The following SLC9A9 variants were observed in gnomAD, a reference collection of about 807,000 sequenced individuals.
SLC9A9 encodes sodium/hydrogen exchanger 9.
In SLC9A9, 62 loss-of-function variants were observed where a neutral mutation model predicts 77.8. That is an observed-to-expected ratio of 0.80 (90% confidence interval 0.65 to 0.98). The LOEUF is 0.98. Ranked by LOEUF, SLC9A9 falls within the 50% of genes least tolerant of loss-of-function variation. The pLI, the probability that SLC9A9 is intolerant of heterozygous loss-of-function variation, is 0.00. For missense variants in SLC9A9, 775 were observed against 774.9 expected, an observed-to-expected ratio of 1.00 and a Z score of 0.00; for synonymous variants, 320 against 283.5, an observed-to-expected ratio of 1.13 and a Z score of -1.29.
intron 14 of SLC9A9, among the ~76,000 whole-genome samples, chr3:143,324,141 C>A (rs930778436): frequency 3.3e-5 from 5 of 152,096 alleles, no homozygotes; most frequent in African/African-American, 1.2e-4. Context: ...CCTAAAGTAC[C>A]TGCTCTATTG....
chr3:143,383,263 A>G (rs930371659), intron 12 of SLC9A9, among the ~76,000 whole-genome samples: 13 of 152,208 alleles, frequency 8.5e-5, no homozygotes, highest in African/African-American at 2.7e-4. Flanking sequence ...ACACGTTTAT[A>G]TTTAATTCAG....
chr3:143,595,368 C>A (rs1443915145), intron 6 of SLC9A9, among the ~76,000 whole-genome samples: 6 of 152,238 alleles, frequency 3.9e-5, no homozygotes, highest in Non-Finnish European at 8.8e-5. Flanking sequence ...CAATCCTTAT[C>A]AAGCATCTGC....
At chr3:143,826,902 G>A (rs1345075825) in intron 2 of SLC9A9, among the ~76,000 whole-genome samples, 2 of 151,956 alleles carry the variant, frequency 1.3e-5, no homozygotes, top group Non-Finnish European at 1.5e-5. Context: ...TGTGGTTCTT[G>A]TCCCACTTTT....
chr3:143,269,848 G>A (rs1346406138), intron 14 of SLC9A9, among the ~76,000 whole-genome samples: 2 of 152,190 alleles, frequency 1.3e-5, no homozygotes, highest in African/African-American at 4.8e-5. Flanking sequence ...ATCATTGGTT[G>A]GATCATGAAG....
chr3:143,382,825 TG>T (rs2033337885), intron 12 of SLC9A9, among the ~76,000 whole-genome samples: 1 of 152,260 alleles, frequency 6.6e-6, no homozygotes. Context: ...TTTTGCCTAC[TG>T]ACTTTGCTAC....
chr3:143,331,473 G>T (rs368046629), intron 14 of SLC9A9, among the ~76,000 whole-genome samples: 131 of 152,284 alleles, frequency 8.6e-4, no homozygotes, highest in African/African-American at 3.0e-3. Context: ...AACAAAACAG[G>T]CCTAAAGACT....
chr3:143,365,618 C>T (rs954927513), intron 13 of SLC9A9, among the ~76,000 whole-genome samples: 4 of 152,086 alleles, frequency 2.6e-5, no homozygotes, highest in South Asian at 2.1e-4. Flanking sequence ...CTGATAGGGC[C>T]GGAGTGCCAT....
chr3:143,779,360 T>G (rs770657558), intron 4 of SLC9A9, among the ~76,000 whole-genome samples: 1 of 152,028 alleles, frequency 6.6e-6, no homozygotes, highest in African/African-American at 2.4e-5. Context: ...TAATCCTCAG[T>G]TTTTTGGGTT....
At chr3:143,632,623 A>G (rs1419035102) in intron 6 of SLC9A9, among the ~76,000 whole-genome samples, 2 of 152,202 alleles carry the variant, frequency 1.3e-5, no homozygotes, top group Non-Finnish European at 2.9e-5. Context: ...AGACAAGTTT[A>G]TGTACATATA....
chr3:143,715,456 G>A (rs1459507910), intron 4 of SLC9A9, among the ~76,000 whole-genome samples: 1 of 152,138 alleles, frequency 6.6e-6, no homozygotes, highest in East Asian at 1.9e-4. Flanking sequence ...AACCATCCTG[G>A]ACTCTCCTGA....
chr3:143,757,262 A>G lies in SLC9A9; in HGVS notation c.533+37739T>C, dbSNP rs560185194. On this transcript the variant is annotated intron_variant, in intron 4 of 15. Coordinates refer to ENST00000316549, the MANE Select transcript of SLC9A9 (RefSeq NM_173653.4). ...CACCAGGCAGATTCAAATGCCTTCA[A>G]GTTCCAAGTGGGTAACATAAATAAG... Among the ~76,000 whole-genome samples the G allele has an allele frequency of 3.3e-5, 5 of 152,292 alleles. No homozygotes were observed. The South Asian group carries it at 6.2e-4, about 19-fold the overall frequency.
chr3:143,515,103 T>G (rs529136721), intron 9 of SLC9A9, among the ~76,000 whole-genome samples: 1 of 152,116 alleles, frequency 6.6e-6, no homozygotes, highest in African/African-American at 2.4e-5. Context: ...CTAATTTCAG[T>G]GTTTTTGTGA....
chr3:143,671,100 C>T (rs751544850), intron 5 of SLC9A9, among the ~76,000 whole-genome samples: 8 of 152,242 alleles, frequency 5.3e-5, no homozygotes, highest in Admixed American at 2.0e-4. Flanking sequence ...GATAATTGAT[C>T]GGCTGTGGTG....
intron 8 of SLC9A9, among the ~76,000 whole-genome samples, chr3:143,569,425 G>A (rs1525857): frequency 0.98 from 149,159 of 152,108 alleles, 73,226 homozygotes; most frequent in African/African-American, 1. Context: ...TGTTAGGACA[G>A]GTGACTTATC....
chr3:143,501,872 A>AATCT (rs1309665951), intron 9 of SLC9A9, among the ~76,000 whole-genome samples: 2 of 150,802 alleles, frequency 1.3e-5, no homozygotes, highest in Non-Finnish European at 2.9e-5. Context: ...TCAAAGGGAG[A>AATCT]ATCTATACAG....
intron 9 of SLC9A9, among the ~76,000 whole-genome samples, chr3:143,508,194 A>G (rs1025891069): frequency 6.6e-6 from 1 of 152,244 alleles, no homozygotes; most frequent in Non-Finnish European, 1.5e-5. Flanking sequence ...TCCATCCACT[A>G]TGAGAACCAT....
intron 12 of SLC9A9, among the ~76,000 whole-genome samples, chr3:143,440,920 A>G (rs1447205864): frequency 1.3e-5 from 2 of 152,150 alleles, no homozygotes; most frequent in African/African-American, 4.8e-5. Context: ...TCAGAATTCT[A>G]TTTACTGACT....
chr3:143,535,696 A>G (rs567828518), intron 9 of SLC9A9, among the ~76,000 whole-genome samples: 2 of 152,310 alleles, frequency 1.3e-5, no homozygotes, highest in South Asian at 4.1e-4. Context: ...GAGAATGTTA[A>G]AGATTCTACA....
At chr3:143,685,147 A>G (rs1039195942) in intron 5 of SLC9A9, among the ~76,000 whole-genome samples, 2 of 152,144 alleles carry the variant, frequency 1.3e-5, no homozygotes, top group African/African-American at 4.8e-5. Flanking sequence ...AAAGAAAACA[A>G]GTAAAATTAA....
Sources: allele counts gnomAD v4.1 joint callset (sites outside exome capture counted in the v4.1 genomes callset), GRCh38; gene constraint gnomAD v4.1.1; transcripts MANE v1.5; gene names NCBI Gene and HGNC (gene_info 2026-07-23, HGNC 2026-07-21).